RASA2: variants seen among roughly 807,000 people sequenced by gnomAD.
RASA2 encodes ras GTPase-activating protein 2.
Under a neutral mutation model 118.2 loss-of-function variants are expected in RASA2, and 155 were observed. That is an observed-to-expected ratio of 1.31 (90% CI 1.15 to 1.50). RASA2 has a LOEUF of 1.50. Ranked by LOEUF, RASA2 falls within the 40% of genes most tolerant of loss-of-function variation. RASA2 has a pLI of 0.00. For missense variants in RASA2, 1,016 were observed against 1,009.6 expected (o/e 1.01, Z -0.09); for synonymous variants, 353 against 349.1 (o/e 1.01, Z -0.12).
intron 19 of RASA2, chr3:141,590,161 A>C (rs1382692750): frequency 4.4e-6 from 2 of 456,600 alleles, no homozygotes; most frequent in Non-Finnish European, 8.8e-6. Flanking sequence ...CATCTTCTAG[A>C]TGACTTGGGG....
At chr3:141,595,392 G>C (rs1349771723) in intron 19 of RASA2, among the ~76,000 whole-genome samples, 1 of 152,138 alleles carries the variant, frequency 6.6e-6, no homozygotes, top group Non-Finnish European at 1.5e-5. Flanking sequence ...AGCACAGATA[G>C]GTTGAAAGTA....
chr3:141,572,645 T>C lies in RASA2; in HGVS notation c.1206T>C (p.Ala402=), dbSNP rs2082942795. The C allele has an allele frequency of 7.4e-6, 12 of 1,613,616 alleles. No individual in the cohort carries two copies. The highest frequency in any genetic ancestry group is 1.3e-5 in the African/African-American group (1 of 74,900). ...CAATTTTTAGAGGAAATTCCCTGGC[T>C]ACCCGATGTCTGGATGAGATGATGA... ...ANTIFRGNSL[A]TRCLDEMMKI... The change falls in exon 12 of 24, where the codon GCT becomes GCC. Residue 402 remains alanine, a synonymous_variant. Transcript: ENST00000286364.
rs1282838684 is a variant in RASA2, at chr3:141,553,947, T to C, written c.611+7T>C. 2 of 1,599,708 alleles carry C rather than the reference T, an allele frequency of 1.3e-6. No individual in the cohort carries two copies. The highest frequency in any genetic ancestry group is 1.7e-6 in the Non-Finnish European group (2 of 1,175,284). On this transcript the variant is annotated splice_region_variant and intron_variant, in intron 6 of 23. Transcript: ENST00000286364. ...CTCTAGTGGGCCCTTCTAGGTAATATTTATTGAATTATTATTAGGTTTTAA... is the reference window on the plus strand; with the variant it reads ...CTCTAGTGGGCCCTTCTAGGTAATACTTATTGAATTATTATTAGGTTTTAA...
chr3:141,590,818 T>C (rs1335183460), intron 19 of RASA2, among the ~76,000 whole-genome samples: 2 of 152,230 alleles, frequency 1.3e-5, no homozygotes, highest in Non-Finnish European at 2.9e-5. Context: ...CATAGTCTTT[T>C]CCCAATTTAC....
At chr3:141,568,319 CTAAT>C (rs1313929880) in intron 9 of RASA2, among the ~76,000 whole-genome samples, 2 of 151,858 alleles carry the variant, frequency 1.3e-5, no homozygotes, top group African/African-American at 4.8e-5. Flanking sequence ...TGTAAACTGA[CTAAT>C]AGGCTCAGAA....
intron 3 of RASA2, among the ~76,000 whole-genome samples, chr3:141,529,007 A>G (rs1410702778): frequency 6.6e-6 from 1 of 152,036 alleles, no homozygotes; most frequent in Admixed American, 6.6e-5. Flanking sequence ...GCTTTGTACC[A>G]AGATGGCAAA....
At chr3:141,534,026 G>A (rs781408092) in intron 4 of RASA2, among the ~76,000 whole-genome samples, 4 of 152,070 alleles carry the variant, frequency 2.6e-5, no homozygotes, top group Non-Finnish European at 5.9e-5. Flanking sequence ...TATGGTCCTA[G>A]TTATCATCTA....
At chr3:141,515,512 G>T (rs111981210) in intron 2 of RASA2, among the ~76,000 whole-genome samples, 1 of 152,120 alleles carries the variant, frequency 6.6e-6, no homozygotes, top group African/African-American at 2.4e-5. Context: ...GGTTTGTATA[G>T]AACTTAGTTG....
intron 19 of RASA2, among the ~76,000 whole-genome samples, chr3:141,591,087 T>TA (rs2083279194): frequency 6.6e-6 from 1 of 152,222 alleles, no homozygotes; most frequent in Non-Finnish European, 1.5e-5. Context: ...CTTCTACAAG[T>TA]AAAAGTTCTC....
intron 1 of RASA2, among the ~76,000 whole-genome samples, chr3:141,506,293 C>CA (rs908525702): frequency 1.3e-5 from 2 of 152,232 alleles, no homozygotes; most frequent in African/African-American, 4.8e-5. Context: ...GTTGTACACA[C>CA]AATCAAATCT....
chr3:141,504,006 CT>C (rs34230218), intron 1 of RASA2, among the ~76,000 whole-genome samples: 4 of 152,122 alleles, frequency 2.6e-5, no homozygotes, highest in African/African-American at 9.7e-5. Context: ...ATTGGAACCT[CT>C]TTTTTGCCCA....
At chr3:141,522,150 T>C (rs1328192836) in intron 3 of RASA2, among the ~76,000 whole-genome samples, 1 of 152,062 alleles carries the variant, frequency 6.6e-6, no homozygotes, top group East Asian at 1.9e-4. Context: ...TTATTTCACA[T>C]TTATTCTCAT....
chr3:141,537,285 G>A (rs1276261224), intron 4 of RASA2, among the ~76,000 whole-genome samples: 2 of 151,274 alleles, frequency 1.3e-5, no homozygotes, highest in African/African-American at 4.9e-5. Context: ...TTCCCTCTCT[G>A]TGCTTCATTG....
At chr3:141,555,689 G>A in intron 6 of RASA2, 151 bp from the exon 7 acceptor site, 1 of 605,482 alleles carries the variant, frequency 1.7e-6, no homozygotes, top group Middle Eastern at 4.4e-4. Context: ...TATAAGGACA[G>A]TTACTTTTTT....
At chr3:141,580,866 T>C (rs1216664772) in intron 16 of RASA2, among the ~76,000 whole-genome samples, 1 of 149,072 alleles carries the variant, frequency 6.7e-6, no homozygotes, top group Non-Finnish European at 1.5e-5. Flanking sequence ...TCATGAAAAC[T>C]GCTAAACAAG....
intron 3 of RASA2, among the ~76,000 whole-genome samples, chr3:141,524,166 C>CTG (rs1230774036): frequency 1.3e-5 from 2 of 152,086 alleles, no homozygotes; most frequent in African/African-American, 2.4e-5. Context: ...TCGCCTGGGG[C>CTG]TGATGTGCAG....
chr3:141,519,014 T>C (rs1200907131), intron 3 of RASA2, among the ~76,000 whole-genome samples: 2 of 152,234 alleles, frequency 1.3e-5, no homozygotes, highest in Non-Finnish European at 2.9e-5. Flanking sequence ...TTGGGCATCC[T>C]CAATGGTGTT....
At chr3:141,553,395 G>T (rs2082602089) in intron 5 of RASA2, among the ~76,000 whole-genome samples, 1 of 151,994 alleles carries the variant, frequency 6.6e-6, no homozygotes, top group Non-Finnish European at 1.5e-5. Context: ...CTTATCTACA[G>T]TGCTTGAGAC....
rs1297687417 is a variant in RASA2, at chr3:141,558,978, T to G, written c.761+16T>G. The G allele has an allele frequency of 1.9e-6, 3 of 1,564,572 alleles. No homozygotes were observed. The East Asian group carries it at 6.8e-5, about 35-fold the overall frequency. ...TAGAAATCAGGTATGTGCCTTGGGG[T>G]TTTACAGAATTGCTTTTTTGTATAC... On this transcript the variant is annotated intron_variant, in intron 8 of 23. Transcript: ENST00000286364.
Sources: gnomAD v4.1 joint callset for allele counts (sites outside exome capture counted in the v4.1 genomes callset) on GRCh38, gnomAD v4.1.1 for gene constraint, MANE v1.5 for transcripts, NCBI Gene and HGNC (gene_info 2026-07-23, HGNC 2026-07-21) for gene names.